TANC1: variants seen among roughly 807,000 people sequenced by gnomAD.
TANC1 encodes protein TANC1.
Under a neutral mutation model 149.7 loss-of-function variants are expected in TANC1, and 77 were observed. That is an observed-to-expected ratio of 0.51 (90% CI 0.43 to 0.62). The LOEUF (loss-of-function observed/expected upper bound fraction) is 0.62. Ranked by LOEUF, TANC1 falls within the 20% of genes least tolerant of loss-of-function variation. TANC1 has a pLI of 0.00. For missense variants in TANC1, 1,985 were observed against 2,321.8 expected (o/e 0.85, Z 2.98); for synonymous variants, 854 against 925.0 (o/e 0.92, Z 1.39).
intron 2 of TANC1, among the ~76,000 whole-genome samples, chr2:159,016,494 C>T (rs1426437932): frequency 1.3e-5 from 2 of 152,020 alleles, no homozygotes; most frequent in Non-Finnish European, 2.9e-5. Flanking sequence ...GTCACAGTCT[C>T]TTTCTGTCTC....
Position 159,219,943 on chromosome 2 carries a change from G to T in TANC1, c.3678+76G>T. On this transcript the variant is annotated intron_variant, in intron 22 of 26. Transcript: ENST00000263635. Reference sequence around the variant, plus strand: ...CAGGAAGTGAACAGCTCAATCCAGGGCCTGCATGAGGTTGTGTCTCAGTGT... The same window carrying T: ...CAGGAAGTGAACAGCTCAATCCAGGTCCTGCATGAGGTTGTGTCTCAGTGT... 7 of 1,454,170 alleles carry T rather than the reference G, an allele frequency of 4.8e-6. No homozygotes were observed. In the South Asian group the frequency reaches 8.4e-5, roughly 17 times the overall value. 90.1% of individuals were successfully genotyped at this position (1,454,170 alleles called of 1,614,324 possible).
Position 159,187,225 on chromosome 2 carries a change from G to A in TANC1, c.2742+201G>A, listed in dbSNP as rs558769722. Among the ~76,000 whole-genome samples, 4 of 152,368 alleles carry A rather than the reference G, an allele frequency of 2.6e-5. No homozygotes were observed. In the South Asian group the frequency reaches 8.3e-4, roughly 32 times the overall value. ...AAGTTTAGCTTTTCTTTGGCAGGAA[G>A]ATGTGGGTGGTCAGGGCTGCTCTGA... On this transcript the variant is annotated intron_variant, in intron 16 of 26. Coordinates refer to ENST00000263635, the MANE Select transcript of TANC1 (RefSeq NM_033394.3).
intron 11 of TANC1, among the ~76,000 whole-genome samples, chr2:159,173,410 G>A (rs2055474844): frequency 6.6e-6 from 1 of 152,140 alleles, no homozygotes; most frequent in African/African-American, 2.4e-5. Flanking sequence ...TTGGAGACCA[G>A]CCTGGCCAAC....
chr2:159,069,399 T>C (rs2042949442), intron 3 of TANC1, among the ~76,000 whole-genome samples: 1 of 152,148 alleles, frequency 6.6e-6, no homozygotes, highest in Admixed American at 6.6e-5. Context: ...CTCCCTGCTT[T>C]ATGTTAGGAC....
At chr2:159,215,543 AG>A (rs2150898088) in intron 19 of TANC1, among the ~76,000 whole-genome samples, 1 of 152,302 alleles carries the variant, frequency 6.6e-6, no homozygotes, top group East Asian at 1.9e-4. Flanking sequence ...AGCTGCTCTG[AG>A]GGGTGTCAAA....
intron 19 of TANC1, among the ~76,000 whole-genome samples, chr2:159,206,850 G>A (rs560387470): frequency 1.6e-3 from 250 of 152,240 alleles, no homozygotes; most frequent in Non-Finnish European, 3.0e-3. Context: ...TTACCGAGAG[G>A]AGAGAGAGAA....
chr2:159,033,712 G>A (rs2039961903), intron 2 of TANC1, among the ~76,000 whole-genome samples: 1 of 152,214 alleles, frequency 6.6e-6, no homozygotes, highest in South Asian at 2.1e-4. Flanking sequence ...TAGCACCTCA[G>A]ATGGAGCCGG....
intron 7 of TANC1, among the ~76,000 whole-genome samples, chr2:159,152,837 T>C (rs1181858064): frequency 6.6e-6 from 1 of 152,174 alleles, no homozygotes; most frequent in Non-Finnish European, 1.5e-5. Flanking sequence ...TTCTCTCTCA[T>C]TGAGATACAG....
At chr2:159,113,999 G>T (rs1207347949) in intron 4 of TANC1, among the ~76,000 whole-genome samples, 3 of 152,230 alleles carry the variant, frequency 2.0e-5, no homozygotes, top group Non-Finnish European at 4.4e-5. Context: ...TGTGGGAAGG[G>T]TCTTGCCAGA....
intron 8 of TANC1, among the ~76,000 whole-genome samples, chr2:159,168,797 G>A (rs1468211838): frequency 6.6e-6 from 1 of 151,834 alleles, no homozygotes; most frequent in Non-Finnish European, 1.5e-5. Flanking sequence ...TAGTGTTCTC[G>A]GTGCTGTGGA....
intron 4 of TANC1, among the ~76,000 whole-genome samples, chr2:159,112,887 T>G (rs1253998919): frequency 1.3e-5 from 2 of 151,692 alleles, no homozygotes; most frequent in African/African-American, 4.8e-5. Context: ...AGCCAGTATT[T>G]TTTTTTTTTA....
At chr2:159,029,165 G>A (rs2039586932) in intron 2 of TANC1, among the ~76,000 whole-genome samples, 1 of 152,182 alleles carries the variant, frequency 6.6e-6, no homozygotes, top group Non-Finnish European at 1.5e-5. Context: ...TCATGTGGTA[G>A]CATGTATCAG....
At chr2:159,165,813 G>A (rs970806829) in intron 8 of TANC1, among the ~76,000 whole-genome samples, 3 of 152,260 alleles carry the variant, frequency 2.0e-5, no homozygotes, top group Admixed American at 2.0e-4. Context: ...GCAGGTAAAG[G>A]AAGGGTGATG....
intron 3 of TANC1, among the ~76,000 whole-genome samples, chr2:159,071,689 CTTTGT>C (rs1478969428): frequency 6.6e-6 from 1 of 152,188 alleles, no homozygotes; most frequent in Non-Finnish European, 1.5e-5. Flanking sequence ...ACAAATGATG[CTTTGT>C]TTTATGTAGA....
At chr2:159,156,275 A>C (rs1039940032) in intron 7 of TANC1, among the ~76,000 whole-genome samples, 2 of 152,190 alleles carry the variant, frequency 1.3e-5, no homozygotes, top group African/African-American at 4.8e-5. Context: ...TTAATTATAG[A>C]AGCCTTTTTT....
chr2:158,968,995 C>T (rs2149136784), intron 1 of TANC1, among the ~76,000 whole-genome samples: 1 of 152,316 alleles, frequency 6.6e-6, no homozygotes, highest in African/African-American at 2.4e-5. Context: ...GCGCCCCGGG[C>T]CTTGGTCTCT....
chr2:159,194,499 C>G lies in TANC1; in HGVS notation c.2979+6C>G, dbSNP rs200296673. On this transcript the variant is annotated splice_donor_region_variant and intron_variant, in intron 17 of 26. Coordinates refer to ENST00000263635, the MANE Select transcript of TANC1 (RefSeq NM_033394.3). ...TGACCAAGAAGGGAGTGAGAGTAAG[C>G]GGCAGCCTGCTCTTTTGGGGCTGGG... 1.2e-6 allele frequency: 2 copies of G among 1,610,634 alleles called. No homozygotes were observed. Among genetic ancestry groups the G allele is most frequent in the African/African-American group, 2.7e-5 (2 of 74,854 alleles).
chr2:158,968,947 A>C (rs1285710208), intron 1 of TANC1, among the ~76,000 whole-genome samples, 165 bp downstream of exon 1: 1 of 151,612 alleles, frequency 6.6e-6, no homozygotes, highest in East Asian at 1.9e-4. Context: ...CGCCGGGCAC[A>C]CCCGGGAGCT....
chr2:159,175,317 G>C (rs1156576232), intron 12 of TANC1, 133 bp downstream of exon 12: 1 of 684,560 alleles, frequency 1.5e-6, no homozygotes, highest in Non-Finnish European at 2.5e-6. Flanking sequence ...CGAAGCCTCC[G>C]TGCCCATCCA....
Sources: allele counts gnomAD v4.1 joint callset (sites outside exome capture counted in the v4.1 genomes callset), GRCh38; gene constraint gnomAD v4.1.1; transcripts MANE v1.5; gene names NCBI Gene and HGNC (gene_info 2026-07-23, HGNC 2026-07-21).